The following ACSL3 variants were observed in gnomAD, a reference collection of about 807,000 sequenced individuals.
ACSL3 encodes acyl-CoA synthetase long chain family member 3, also known as fatty acid CoA ligase Acsl3.
In ACSL3, 34 loss-of-function variants were observed where a neutral mutation model predicts 84.7. The observed-to-expected ratio is 0.40, with a 90% CI of 0.31 to 0.53. ACSL3 has a LOEUF of 0.53. ACSL3 is among the 20% of genes least tolerant of loss of function. The pLI, the probability that ACSL3 is intolerant of heterozygous loss-of-function variation, is 0.48. For missense variants in ACSL3, 680 were observed against 873.1 expected, an observed-to-expected ratio of 0.78 and a Z score of 2.79; for synonymous variants, 315 against 299.4, an observed-to-expected ratio of 1.05 and a Z score of -0.54.
intron 7 of ACSL3, among the ~76,000 whole-genome samples, chr2:222,920,746 C>A (rs1294196261): frequency 6.6e-6 from 1 of 152,136 alleles, no homozygotes; most frequent in Non-Finnish European, 1.5e-5. Context: ...CTTCCCGTGG[C>A]CTTTGAGGTC....
intron 4 of ACSL3, among the ~76,000 whole-genome samples, chr2:222,912,343 C>T (rs1335793684): frequency 6.6e-6 from 1 of 152,240 alleles, no homozygotes; most frequent in East Asian, 1.9e-4. Flanking sequence ...TCTTGTTACA[C>T]CCATTGCATT....
chr2:222,890,077 A>G (rs1340042972), intron 2 of ACSL3, among the ~76,000 whole-genome samples: 7 of 152,258 alleles, frequency 4.6e-5, no homozygotes, highest in African/African-American at 1.4e-4. Context: ...ATTTTTAGCT[A>G]CTTAACCTTT....
At chr2:222,863,280 C>T (rs1695057930) in intron 1 of ACSL3, among the ~76,000 whole-genome samples, 1 of 152,100 alleles carries the variant, frequency 6.6e-6, no homozygotes, top group South Asian at 2.1e-4. Context: ...GTCTAGGGAG[C>T]TGTTTTTTGA....
chr2:222,908,667 T>C (rs1011404593), intron 3 of ACSL3, 66 bp from the exon 4 acceptor site: 6 of 1,144,230 alleles, frequency 5.2e-6, no homozygotes, highest in African/African-American at 3.2e-5. Context: ...CATTTGCCGA[T>C]GTAACTTTTC....
At chr2:222,938,447 A>G (rs182376566) in intron 16 of ACSL3, among the ~76,000 whole-genome samples, 24 of 151,886 alleles carry the variant, frequency 1.6e-4, no homozygotes, top group African/African-American at 5.1e-4. Flanking sequence ...TTGGTTGACA[A>G]TTTTTTTTCT....
chr2:222,922,564 C>CTCTT, intron 8 of ACSL3, 144 bp from the exon 9 acceptor site: 3 of 970,076 alleles, frequency 3.1e-6, no homozygotes, highest in East Asian at 2.5e-5. Context: ...GTCTCTCTCT[C>CTCTT]TCTCTCACAA....
intron 16 of ACSL3, among the ~76,000 whole-genome samples, chr2:222,935,247 A>G (rs1375864154): frequency 6.6e-6 from 1 of 152,106 alleles, no homozygotes; most frequent in Non-Finnish European, 1.5e-5. Flanking sequence ...ACCAGAATGC[A>G]GTGGCAGTCA....
At chr2:222,890,305 A>C (rs547925817) in intron 2 of ACSL3, among the ~76,000 whole-genome samples, 12 of 152,202 alleles carry the variant, frequency 7.9e-5, no homozygotes, top group Non-Finnish European at 1.8e-4. Flanking sequence ...AATCTTACTG[A>C]ATGATATATA....
At chr2:222,883,619 T>G (rs1422522944) in intron 1 of ACSL3, among the ~76,000 whole-genome samples, 1 of 152,210 alleles carries the variant, frequency 6.6e-6, no homozygotes, top group Non-Finnish European at 1.5e-5. Context: ...GACTAGTATT[T>G]ATCAGCTCTG....
intron 1 of ACSL3, among the ~76,000 whole-genome samples, chr2:222,862,286 C>T (rs540650169): frequency 8.9e-4 from 135 of 152,170 alleles, no homozygotes; most frequent in Non-Finnish European, 1.7e-3. Flanking sequence ...GACGACTTAG[C>T]TTGCCTCAGA....
At chr2:222,918,354 A>G (rs1199801778) in intron 6 of ACSL3, among the ~76,000 whole-genome samples, 199 bp downstream of exon 6, 1 of 152,166 alleles carries the variant, frequency 6.6e-6, no homozygotes, top group Admixed American at 6.5e-5. Flanking sequence ...ATCCAGAGTT[A>G]TAAATTGTTA....
intron 8 of ACSL3, 119 bp from the exon 9 acceptor site, chr2:222,922,589 G>C: frequency 8.1e-7 from 1 of 1,235,090 alleles, no homozygotes; most frequent in Non-Finnish European, 1.1e-6. Context: ...ATACACACTT[G>C]ACCAGCAAAT....
At chr2:222,934,479 C>A (rs759234107) in intron 15 of ACSL3, 51 bp from the exon 16 acceptor site, 2 of 1,407,330 alleles carry the variant, frequency 1.4e-6, no homozygotes, top group South Asian at 3.3e-5. Context: ...TAACTGCAGT[C>A]AACACAGTTC....
chr2:222,890,756 C>T (rs937935883), intron 2 of ACSL3, among the ~76,000 whole-genome samples: 1 of 152,114 alleles, frequency 6.6e-6, no homozygotes, highest in Non-Finnish European at 1.5e-5. Context: ...ATTCTTGTGC[C>T]TCAGCCTCCC....
intron 1 of ACSL3, among the ~76,000 whole-genome samples, chr2:222,879,460 C>T (rs1259982579): frequency 1.3e-5 from 2 of 152,206 alleles, no homozygotes; most frequent in Non-Finnish European, 2.9e-5. Flanking sequence ...TGATTACTCA[C>T]TGTATGCTCA....
intron 1 of ACSL3, among the ~76,000 whole-genome samples, chr2:222,881,967 T>C (rs928413146): frequency 2.0e-5 from 3 of 152,244 alleles, no homozygotes; most frequent in African/African-American, 7.2e-5. Flanking sequence ...TGTATCATTC[T>C]TTTAACTCAA....
rs571899451 is a variant in ACSL3, at chr2:222,941,770, C to T, written c.*116C>T. ...CATTCCTCATATTAAACTATTACTT[C>T]TCATGACGTCACCATTTTTAACTGA... On this transcript the variant is annotated 3_prime_UTR_variant, in exon 17 of 17. Coordinates refer to ENST00000357430, the MANE Select transcript of ACSL3 (RefSeq NM_004457.5). 40 of 1,112,668 alleles carry T rather than the reference C, an allele frequency of 3.6e-5. No individual in the cohort carries two copies. In the South Asian group the frequency reaches 7.5e-4, roughly 21 times the overall value. 68.9% of individuals were successfully genotyped at this position (1,112,668 alleles called of 1,614,324 possible).
chr2:222,912,982 A>G (rs770849407), intron 4 of ACSL3, among the ~76,000 whole-genome samples: 2 of 152,220 alleles, frequency 1.3e-5, no homozygotes, highest in Non-Finnish European at 2.9e-5. Context: ...CAGTGAAATG[A>G]TTTCAGGACA....
intron 1 of ACSL3, among the ~76,000 whole-genome samples, chr2:222,871,098 AG>A (rs1695289391): frequency 6.6e-6 from 1 of 152,152 alleles, no homozygotes; most frequent in Admixed American, 6.5e-5. Context: ...GGCAGGAGGC[AG>A]GGGATGACAG....
Sources: allele counts gnomAD v4.1 joint callset (sites outside exome capture counted in the v4.1 genomes callset), GRCh38; gene constraint gnomAD v4.1.1; transcripts MANE v1.5; gene names NCBI Gene and HGNC (gene_info 2026-07-23, HGNC 2026-07-21).